Variants in CACNA1C observed in about 807,000 individuals in gnomAD.
The protein encoded by CACNA1C is calcium voltage-gated channel subunit alpha1 C.
In CACNA1C, 30 loss-of-function variants were observed where a neutral mutation model predicts 229.0. That is an observed-to-expected ratio of 0.13 (90% CI 0.10 to 0.18). The LOEUF is 0.18. CACNA1C is among the 10% of genes least tolerant of loss of function. CACNA1C has a pLI of 1.00. For missense variants in CACNA1C, 1,658 were observed against 2,845.0 expected, an observed-to-expected ratio of 0.58 and a Z score of 9.49; for synonymous variants, 1,114 against 1,132.5, an observed-to-expected ratio of 0.98 and a Z score of 0.33.
In CACNA1C at chr12:1,979,118, T is replaced by G. The variant is rs545405719; in HGVS notation, c.139+7917T>G. 2.0e-5 allele frequency among the ~76,000 whole-genome samples: 3 copies of G among 152,140 alleles called. No individual in the cohort carries two copies. The East Asian group carries it at 5.8e-4, about 29-fold the overall frequency. ...ACCTCCGCCTCCCGCGTTCAAGAAA[T>G]TCTCCTGCCTCAGGCTCCCAAGTGG... On this transcript the variant is annotated intron_variant, in intron 1 of 46. Coordinates refer to the CACNA1C transcript ENST00000682462.
chr12:2,214,858 T>C (rs1274793636), intron 3 of CACNA1C, among the ~76,000 whole-genome samples: 1 of 151,562 alleles, frequency 6.6e-6, no homozygotes. Context: ...CCTTCTAGTC[T>C]ATGCTTCTGC....
At chr12:2,424,568 G>A (rs1024974878) in intron 3 of CACNA1C, among the ~76,000 whole-genome samples, 1 of 152,202 alleles carries the variant, frequency 6.6e-6, no homozygotes, top group African/African-American at 2.4e-5. Context: ...CTCAGGCCTG[G>A]AACGGGGCTT....
intron 42 of CACNA1C, chr12:2,680,493 G>T (rs374558988): frequency 1.3e-6 from 2 of 1,569,982 alleles, no homozygotes; most frequent in South Asian, 2.3e-5. Context: ...ACCCTGCATC[G>T]TGCCTGGCCA....
chr12:2,694,212 A>G lies in CACNA1C; in HGVS notation c.*3013A>G, dbSNP rs911139005. On this transcript the variant is annotated 3_prime_UTR_variant, in exon 47 of 47. Coordinates refer to ENST00000399655, the MANE Select transcript of CACNA1C (RefSeq NM_000719.7). ...AGACTGGCGTATGATGCCTGTCATC[A>G]GAACAGACTGGCACAAGTAGTGACA... The G allele has an allele frequency of 6.6e-6, 1 of 152,284 alleles. No individual in the cohort carries two copies. The highest frequency in any genetic ancestry group is 2.4e-5 in the African/African-American group (1 of 41,480). The allele number at this position is 152,284 out of a possible 1,614,324, so 9.4% of individuals were successfully genotyped here.
At position 2,138,015 on chromosome 12, in the gene CACNA1C, C is replaced by T. The variant is rs546406359; in HGVS notation, c.477+17585C>T. On this transcript the variant is annotated intron_variant, in intron 3 of 46. Coordinates refer to ENST00000399655, the MANE Select transcript of CACNA1C (RefSeq NM_000719.7). ...TGGGTCTAGCTGAACTCTGGCACAG[C>T]GAGTGTAGCTGCTGAGTAGTTCGTT... Among the ~76,000 whole-genome samples the T allele has an allele frequency of 5.9e-5, 9 of 151,666 alleles. No homozygotes were observed. In the South Asian group the frequency reaches 1.9e-3, roughly 32 times the overall value.
intron 8 of CACNA1C, among the ~76,000 whole-genome samples, chr12:2,506,168 A>G (rs2099771411): frequency 1.3e-5 from 2 of 152,178 alleles, no homozygotes; most frequent in Non-Finnish European, 1.5e-5. Context: ...GTGAGGCCAC[A>G]CAGGAGACTA....
At chr12:2,113,220 C>T (rs2082451887) in intron 1 of CACNA1C, among the ~76,000 whole-genome samples, 1 of 152,212 alleles carries the variant, frequency 6.6e-6, no homozygotes, top group South Asian at 2.1e-4. Context: ...TGCTCGGGCT[C>T]TGCCTCTGGG....
At chr12:2,276,257 C>T (rs1219450261) in intron 3 of CACNA1C, among the ~76,000 whole-genome samples, 3 of 152,190 alleles carry the variant, frequency 2.0e-5, no homozygotes, top group African/African-American at 7.2e-5. Flanking sequence ...CTGTTGCAGT[C>T]TGTCCAAAAG....
chr12:2,319,485 A>AGGCCCCT lies in CACNA1C; in HGVS notation c.478-129489_478-129483dup, dbSNP rs1399800088. ...CTCCCACGCCACAGCCCCAGGCCCC[A>AGGCCCCT]GGCCCCTGACACCCTGGCTCCGAAC... On this transcript the variant is annotated intron_variant, in intron 3 of 46. Transcript: ENST00000399655. The surrounding 1 kb of genome is among the most constrained non-coding windows in gnomAD (Gnocchi z 4.0). Among the ~76,000 whole-genome samples, 2 of 152,182 alleles carry AGGCCCCT rather than the reference A, an allele frequency of 1.3e-5. No individual in the cohort carries two copies. The highest frequency in any genetic ancestry group is 4.8e-5 in the African/African-American group (2 of 41,528).
intron 3 of CACNA1C, among the ~76,000 whole-genome samples, chr12:2,227,319 C>A (rs2063309490): frequency 2.0e-5 from 3 of 152,188 alleles, no homozygotes; most frequent in Admixed American, 2.0e-4. Flanking sequence ...AGGAGTTTCC[C>A]AGACAGACAC....
chr12:2,669,817 C>T (rs2153732652), intron 38 of CACNA1C, among the ~76,000 whole-genome samples: 1 of 152,320 alleles, frequency 6.6e-6, no homozygotes, highest in African/African-American at 2.4e-5. Flanking sequence ...ACCGGGCTCC[C>T]TCAGGGCTGC....
chr12:2,455,944 C>G (rs2099415157), intron 4 of CACNA1C, among the ~76,000 whole-genome samples: 1 of 152,152 alleles, frequency 6.6e-6, no homozygotes, highest in Non-Finnish European at 1.5e-5. Context: ...CCTAGGTAGT[C>G]ACATACAATT....
intron 6 of CACNA1C, among the ~76,000 whole-genome samples, chr12:2,487,684 C>A (rs1261230315): frequency 1.3e-5 from 2 of 151,794 alleles, no homozygotes; most frequent in African/African-American, 4.8e-5. Flanking sequence ...AATAAACTAT[C>A]CTGTTTTCAA....
intron 9 of CACNA1C, among the ~76,000 whole-genome samples, chr12:2,529,502 G>C (rs1438434345): frequency 6.6e-6 from 1 of 152,204 alleles, no homozygotes; most frequent in Non-Finnish European, 1.5e-5. Context: ...GTTGGAAAAG[G>C]GTTTGGAAAT....
rs2097826643 is a variant in CACNA1C, at chr12:2,694,974, C to T, written c.*3775C>T. The T allele has an allele frequency of 1.3e-5, 2 of 152,194 alleles. No homozygotes were observed. The allele number at this position is 152,194 out of a possible 1,614,324, so 9.4% of individuals were successfully genotyped here. ...GTGGTAAAGGAGGATGATGGCATCT[C>T]CATCCCTAGAGGCCAAGAATTGAAA... On this transcript the variant is annotated 3_prime_UTR_variant, in exon 47 of 47. Transcript: ENST00000399655.
chr12:2,469,484 C>T (rs916530997), intron 5 of CACNA1C, among the ~76,000 whole-genome samples: 5 of 152,164 alleles, frequency 3.3e-5, no homozygotes, highest in African/African-American at 9.7e-5. Context: ...AGGAGAGTAA[C>T]GTGGCACAAG....
chr12:2,516,626 A>T (rs1297660319), intron 9 of CACNA1C, among the ~76,000 whole-genome samples: 5 of 152,094 alleles, frequency 3.3e-5, no homozygotes, highest in Non-Finnish European at 5.9e-5. Context: ...TGTGAGAGAG[A>T]GAGGTAGGGC....
intron 2 of CACNA1C, among the ~76,000 whole-genome samples, chr12:2,120,034 G>A (rs1239006120): frequency 6.6e-6 from 1 of 152,170 alleles, no homozygotes; most frequent in Non-Finnish European, 1.5e-5. Flanking sequence ...GGAGAATGAA[G>A]ACCAATGCAA....
chr12:2,226,918 G>GA (rs1404098457), intron 3 of CACNA1C, among the ~76,000 whole-genome samples: 1 of 152,242 alleles, frequency 6.6e-6, no homozygotes, highest in African/African-American at 2.4e-5. Flanking sequence ...GGATGCATCT[G>GA]AATCCCGGTC....
Sources: gnomAD v4.1 joint callset for allele counts (sites outside exome capture counted in the v4.1 genomes callset) on GRCh38, gnomAD v4.1.1 for gene constraint, Gnocchi (gnomAD v3.1) non-coding constraint, MANE v1.5 for transcripts, NCBI Gene and HGNC (gene_info 2026-07-23, HGNC 2026-07-21) for gene names.